Variants in SHLD2 observed in about 807,000 individuals in gnomAD.
SHLD2 encodes RINN1-REV7-interacting novel NHEJ regulator 2.
SHLD2 carries 30 observed loss-of-function variants against 73.2 expected under a neutral mutation model. The observed-to-expected ratio is 0.41, with a 90% CI of 0.31 to 0.56. SHLD2 has a LOEUF of 0.56. SHLD2 is among the 20% of genes least tolerant of loss of function. The pLI is 0.28. For synonymous variants in SHLD2, 285 were observed against 370.1 expected (o/e 0.77, Z 2.64); for missense variants, 745 against 1,055.9 (o/e 0.71, Z 4.08).
At chr10:87,101,856 G>A (rs1473614419) in intron 2 of SHLD2, among the ~76,000 whole-genome samples, 2 of 152,224 alleles carry the variant, frequency 1.3e-5, no homozygotes, top group East Asian at 3.8e-4. Flanking sequence ...GGAGGTTGCA[G>A]TGAACCGAGA....
intron 8 of SHLD2, among the ~76,000 whole-genome samples, chr10:87,182,385 A>T (rs1286466951): frequency 2.6e-5 from 4 of 152,252 alleles, no homozygotes; most frequent in Non-Finnish European, 5.9e-5. Context: ...TTTGTGTGGC[A>T]TAACAGTCCC....
chr10:87,095,038 GGGCGCGCAGGCGCGGGCGGGCTC>G (rs1245421862), upstream of SHLD2, among the ~76,000 whole-genome samples: 1 of 145,422 alleles, frequency 6.9e-6, no homozygotes, highest in Non-Finnish European at 1.5e-5. Context: ...GGGGCGTCGG[GGGCGCGCAGGCGCGGGCGGGCTC>G]GGCGCGCACG....
At chr10:87,095,604 G>A (rs1047816492) in intron 1 of SHLD2, among the ~76,000 whole-genome samples, 1 of 152,256 alleles carries the variant, frequency 6.6e-6, no homozygotes, top group African/African-American at 2.4e-5. Flanking sequence ...GTGGCACCCG[G>A]AGTTGGATTA....
intron 2 of SHLD2, chr10:87,114,238 G>A (rs1485429766): frequency 6.6e-6 from 1 of 152,166 alleles, no homozygotes; most frequent in Non-Finnish European, 1.5e-5. Context: ...CTTAATATTA[G>A]ATTCCCAGCA....
rs183860802 is a variant in SHLD2 at position 87,097,581 on chromosome 10, G to A, written c.-6+592G>A. Among the ~76,000 whole-genome samples the A allele has an allele frequency of 5.6e-3, 848 of 152,192 alleles. 13 individuals carry two copies. The highest frequency in any genetic ancestry group is 0.02 in the African/African-American group (810 of 41,508). On this transcript the variant is annotated intron_variant, in intron 2 of 9. Transcript: ENST00000298786. ...CACTCCAGCCTGGGCAACAGAGCGA[G>A]TCTTCATCTCAAAAAAGGAAAGGCA...
At chr10:87,127,533 CCCCCCA>C (rs1189776494) in intron 2 of SHLD2, among the ~76,000 whole-genome samples, 1 of 68,758 alleles carries the variant, frequency 1.5e-5, no homozygotes, top group South Asian at 4.8e-4. Context: ...TTACCCGCCC[CCCCCCA>C]CCCCGTCTGC....
chr10:87,157,605 G>A (rs9664309), intron 3 of SHLD2, among the ~76,000 whole-genome samples: 184 of 152,296 alleles, frequency 1.2e-3, no homozygotes, highest in Non-Finnish European at 2.2e-3. Flanking sequence ...ATAATCAAGT[G>A]TGTTAAGAAT....
chr10:87,112,799 C>T (rs1177464616), intron 2 of SHLD2, among the ~76,000 whole-genome samples: 1 of 151,190 alleles, frequency 6.6e-6, no homozygotes, highest in African/African-American at 2.4e-5. Context: ...GGGTTCCTTA[C>T]TGATAGGGAT....
At chr10:87,139,878 T>C (rs1313200882) in intron 2 of SHLD2, among the ~76,000 whole-genome samples, 3 of 151,912 alleles carry the variant, frequency 2.0e-5, no homozygotes, top group East Asian at 1.9e-4. Context: ...ATACCAGATA[T>C]AATATCCAAA....
chr10:87,170,804 G>A, intron 5 of SHLD2, 36 bp from the exon 6 acceptor site: 2 of 1,612,776 alleles, frequency 1.2e-6, no homozygotes, highest in Non-Finnish European at 1.7e-6. Flanking sequence ...GTGTGATAGA[G>A]TAATGCCAAC....
At chr10:87,112,237 CA>C (rs55667104) in intron 2 of SHLD2, among the ~76,000 whole-genome samples, 44,164 of 108,766 alleles carry the variant, frequency 0.41, 6,837 homozygotes, top group African/African-American at 0.5. Context: ...GACTCCGTCT[CA>C]AAAAAAAAAA....
chr10:87,146,643 A>G (rs1845631465), intron 2 of SHLD2, among the ~76,000 whole-genome samples: 2 of 151,374 alleles, frequency 1.3e-5, no homozygotes, highest in South Asian at 4.2e-4. Context: ...TGTTAACTGT[A>G]TTTTATGTGT....
intron 2 of SHLD2, among the ~76,000 whole-genome samples, chr10:87,144,934 A>G (rs1013854863): frequency 4.1e-4 from 43 of 104,434 alleles, no homozygotes; most frequent in Non-Finnish European, 7.1e-4. Flanking sequence ...CCGGCCTGTA[A>G]TTCTTTTTTT....
At chr10:87,167,882 T>C (rs7082877) in intron 4 of SHLD2, among the ~76,000 whole-genome samples, 1 of 152,208 alleles carries the variant, frequency 6.6e-6, no homozygotes, top group African/African-American at 2.4e-5. Flanking sequence ...TGAGCTCCAG[T>C]GATCCTCTTG....
At position 87,131,700 on chromosome 10, in the gene SHLD2, A is replaced by G. The variant is rs1190167071; in HGVS notation, c.-5-19650A>G. ...TGATGTACAATTTTTTGGGGTGAAC[A>G]TTTGTTTTTATTCTTTTGGGTATAT... On this transcript the variant is annotated intron_variant, in intron 2 of 9. Coordinates refer to ENST00000298786, the MANE Select transcript of SHLD2 (RefSeq NM_001330112.2). Among the ~76,000 whole-genome samples the G allele has an allele frequency of 2.0e-5, 3 of 151,992 alleles. No homozygotes were observed. The South Asian group carries it at 6.2e-4, about 32-fold the overall frequency.
intron 2 of SHLD2, among the ~76,000 whole-genome samples, chr10:87,140,239 G>A (rs1589533103): frequency 6.6e-6 from 1 of 151,964 alleles, no homozygotes; most frequent in East Asian, 1.9e-4. Context: ...GTCCAACATG[G>A]TGAAATCTCT....
chr10:87,142,510 GGAA>G (rs1384327904), intron 2 of SHLD2, among the ~76,000 whole-genome samples: 2 of 152,108 alleles, frequency 1.3e-5, no homozygotes, highest in African/African-American at 4.8e-5. Flanking sequence ...GGATGGTGGT[GGAA>G]GAAGGATGGT....
intron 2 of SHLD2, among the ~76,000 whole-genome samples, chr10:87,107,091 T>C (rs1842643323): frequency 2.8e-5 from 1 of 35,452 alleles, no homozygotes; most frequent in South Asian, 6.5e-4. Context: ...AAGCAATAAT[T>C]GGCAAAAAAA....
intron 3 of SHLD2, among the ~76,000 whole-genome samples, chr10:87,153,291 A>G (rs1364935340): frequency 1.3e-5 from 2 of 152,178 alleles, no homozygotes; most frequent in Non-Finnish European, 2.9e-5. Context: ...CTGTAGTCCC[A>G]GCTACCCAGG....
Sources: gnomAD v4.1 joint callset for allele counts (sites outside exome capture counted in the v4.1 genomes callset) on GRCh38, gnomAD v4.1.1 for gene constraint, MANE v1.5 for transcripts, NCBI Gene and HGNC (gene_info 2026-07-23, HGNC 2026-07-21) for gene names.